PCDHA2: variants seen among roughly 807,000 people sequenced by gnomAD.
PCDHA2 encodes the protein protocadherin alpha 2.
In PCDHA2, 58 loss-of-function variants were observed where a neutral mutation model predicts 66.0. The observed-to-expected ratio is 0.88, with a 90% confidence interval of 0.71 to 1.09. The LOEUF is 1.09. Ranked by LOEUF, PCDHA2 falls within the 50% of genes least tolerant of loss-of-function variation. The pLI is 0.00. For missense variants in PCDHA2, 1,267 were observed against 1,242.3 expected (o/e 1.02, Z -0.30); for synonymous variants, 634 against 554.0 (o/e 1.14, Z -2.03).
At chr5:140,886,361 G>A (rs374709389) in intron 1 of PCDHA2, among the ~76,000 whole-genome samples, 1 of 151,992 alleles carries the variant, frequency 6.6e-6, no homozygotes, top group African/African-American at 2.4e-5. Context: ...TTACATAGGT[G>A]TACATGCCAT....
At chr5:140,832,572 C>G (rs987114352) in intron 1 of PCDHA2, among the ~76,000 whole-genome samples, 2 of 152,172 alleles carry the variant, frequency 1.3e-5, no homozygotes, top group South Asian at 2.1e-4. Flanking sequence ...AAACAGCATA[C>G]TTTCTTAGGA....
chr5:140,967,006 C>G, intron 1 of PCDHA2: 1 of 1,605,750 alleles, frequency 6.2e-7, no homozygotes, highest in Non-Finnish European at 8.5e-7. Flanking sequence ...TGCGCATCAA[C>G]CATCTGGGTG....
intron 1 of PCDHA2, among the ~76,000 whole-genome samples, chr5:140,965,879 G>A (rs920261632): frequency 6.6e-6 from 1 of 152,216 alleles, no homozygotes; most frequent in Non-Finnish European, 1.5e-5. Flanking sequence ...ACTTGGCCGA[G>A]AGCAGAATTG....
chr5:140,876,144 G>C (rs782301739), intron 1 of PCDHA2: 1 of 1,613,964 alleles, frequency 6.2e-7, no homozygotes, highest in South Asian at 1.1e-5. Context: ...AACTAACAGG[G>C]TCTGTCCAGA....
At chr5:140,896,823 T>C (rs1248229696) in intron 1 of PCDHA2, among the ~76,000 whole-genome samples, 1 of 152,230 alleles carries the variant, frequency 6.6e-6, no homozygotes, top group Non-Finnish European at 1.5e-5. Context: ...ACTCTGTTCA[T>C]AGTTGTTTTT....
chr5:140,976,644 A>G (rs1487728765), intron 1 of PCDHA2, among the ~76,000 whole-genome samples: 1 of 152,228 alleles, frequency 6.6e-6, no homozygotes, highest in Admixed American at 6.5e-5. Context: ...CAGACAAGTA[A>G]TTTAATCTCT....
intron 1 of PCDHA2, chr5:140,836,576 A>C (rs1554136097): frequency 1.2e-6 from 2 of 1,613,572 alleles, no homozygotes; most frequent in African/African-American, 1.3e-5. Flanking sequence ...CTGAGGGCGC[A>C]TGTAGTTTGG....
chr5:140,802,094 T>C, intron 1 of PCDHA2: 2 of 1,614,186 alleles, frequency 1.2e-6, no homozygotes, highest in Middle Eastern at 3.3e-4. Context: ...ATCCAGTCAA[T>C]GGACAAATCA....
At chr5:140,995,106 G>C (rs1318120210) in intron 3 of PCDHA2, among the ~76,000 whole-genome samples, 6 of 152,180 alleles carry the variant, frequency 3.9e-5, no homozygotes, top group East Asian at 1.9e-4. Context: ...TACATTCCAA[G>C]ACCCTCAGTG....
chr5:140,847,254 G>T (rs1219125323), intron 1 of PCDHA2, among the ~76,000 whole-genome samples: 1 of 149,748 alleles, frequency 6.7e-6, no homozygotes, highest in Non-Finnish European at 1.5e-5. Flanking sequence ...AATAAATCAC[G>T]ACTTTTGAAA....
At chr5:140,812,904 C>T (rs2126642538) in intron 1 of PCDHA2, 3 of 152,164 alleles carry the variant, frequency 2.0e-5, no homozygotes, top group Admixed American at 6.5e-5. Flanking sequence ...AACAGAATTT[C>T]GTTCAAAATT....
In PCDHA2 at chr5:140,904,730, A is replaced by AT. The variant is rs538757271; in HGVS notation, c.2389-74212dup. 7.6e-4 allele frequency among the ~76,000 whole-genome samples: 116 copies of AT among 152,104 alleles called. 1 individual carries two copies. The highest frequency in any genetic ancestry group is 6.8e-3 in the Middle Eastern group (2 of 294). On this transcript the variant is annotated intron_variant, in intron 1 of 3. Transcript: ENST00000526136. ...CACCACATTCTGGCCAACATCTATT[A>AT]TTTTTTTATTATGACCATTTTTGCA...
intron 1 of PCDHA2, among the ~76,000 whole-genome samples, chr5:140,932,053 C>T (rs1358715698): frequency 6.6e-6 from 1 of 151,780 alleles, no homozygotes; most frequent in Non-Finnish European, 1.5e-5. Flanking sequence ...GCCTGTAATA[C>T]TAAAAATTAT....
intron 1 of PCDHA2, chr5:140,968,856 G>A (rs782749305): frequency 1.2e-6 from 2 of 1,614,184 alleles, no homozygotes; most frequent in South Asian, 1.1e-5. Flanking sequence ...CATGTTAAGA[G>A]CCCTCGGACA....
chr5:140,887,954 T>A (rs2061642378), intron 1 of PCDHA2, among the ~76,000 whole-genome samples: 1 of 152,240 alleles, frequency 6.6e-6, no homozygotes, highest in South Asian at 2.1e-4. Context: ...TGTATAAGAT[T>A]CTTTTTGTCT....
At chr5:141,000,183 A>G (rs2097895175) in intron 3 of PCDHA2, among the ~76,000 whole-genome samples, 1 of 151,898 alleles carries the variant, frequency 6.6e-6, no homozygotes, top group Non-Finnish European at 1.5e-5. Context: ...CAAGGAGTCA[A>G]TGTGAGAATA....
chr5:140,928,122 A>G (rs1554205517), intron 1 of PCDHA2: 14 of 1,614,078 alleles, frequency 8.7e-6, no homozygotes, highest in Non-Finnish European at 1.2e-5. Context: ...AGATCAGTGA[A>G]TACCAAGTCC....
chr5:140,993,949 T>C (rs1330727166), intron 3 of PCDHA2, among the ~76,000 whole-genome samples: 1 of 152,204 alleles, frequency 6.6e-6, no homozygotes, highest in Non-Finnish European at 1.5e-5. Flanking sequence ...TGTTAAGTGA[T>C]ACATGACTGT....
At chr5:140,885,073 T>TA (rs1196857475) in intron 1 of PCDHA2, among the ~76,000 whole-genome samples, 2 of 152,226 alleles carry the variant, frequency 1.3e-5, no homozygotes, top group African/African-American at 4.8e-5. Context: ...GATATTATTT[T>TA]AAAGAGCCCC....
Sources: allele counts gnomAD v4.1 joint callset (sites outside exome capture counted in the v4.1 genomes callset), GRCh38; gene constraint gnomAD v4.1.1; transcripts MANE v1.5; gene names NCBI Gene and HGNC (gene_info 2026-07-23, HGNC 2026-07-21).